The following ZFPM2 variants were observed in gnomAD, a reference collection of about 807,000 sequenced individuals.
The protein encoded by ZFPM2 is zinc finger protein ZFPM2.
A neutral mutation model predicts 98.6 loss-of-function variants in ZFPM2; 20 were observed. That is an observed-to-expected ratio of 0.20 (90% CI 0.14 to 0.29). The LOEUF (loss-of-function observed/expected upper bound fraction) is 0.29, where lower values mean the gene tolerates loss of function less well. ZFPM2 is among the 10% of genes least tolerant of loss of function. The pLI is 1.00. For synonymous variants in ZFPM2, 518 were observed against 502.7 expected (o/e 1.03, Z -0.41); for missense variants, 1,310 against 1,388.6 (o/e 0.94, Z 0.90).
chr8:105,482,871 A>ATCTT (rs1402079236), intron 3 of ZFPM2, among the ~76,000 whole-genome samples: 1 of 151,140 alleles, frequency 6.6e-6, no homozygotes, highest in African/African-American at 2.4e-5. Flanking sequence ...CATTTCTTTA[A>ATCTT]TCTTTCTTTC....
intron 1 of ZFPM2, among the ~76,000 whole-genome samples, chr8:105,342,371 C>T (rs1481245765): frequency 2.6e-5 from 4 of 152,010 alleles, no homozygotes; most frequent in African/African-American, 4.8e-5. Flanking sequence ...TTAGTTAGCA[C>T]AGTTGCTCTA....
chr8:105,571,373 A>G (rs981428997), intron 4 of ZFPM2, among the ~76,000 whole-genome samples: 3 of 152,216 alleles, frequency 2.0e-5, no homozygotes, highest in Admixed American at 2.0e-4. Flanking sequence ...TGGTTTGTAA[A>G]GCATAACTAT....
intron 4 of ZFPM2, among the ~76,000 whole-genome samples, chr8:105,599,708 G>T (rs761944973): frequency 6.6e-6 from 1 of 152,102 alleles, no homozygotes; most frequent in Non-Finnish European, 1.5e-5. Flanking sequence ...TCTCAAGTCA[G>T]CCAGGGCTGC....
At chr8:105,740,461 G>A (rs1442308458) in intron 5 of ZFPM2, among the ~76,000 whole-genome samples, 1 of 149,300 alleles carries the variant, frequency 6.7e-6, no homozygotes, top group African/African-American at 2.5e-5. Context: ...ACTAATTATA[G>A]CTGTGCAATT....
intron 4 of ZFPM2, among the ~76,000 whole-genome samples, chr8:105,565,848 T>G (rs961252701): frequency 2.0e-4 from 31 of 152,180 alleles, no homozygotes; most frequent in African/African-American, 7.5e-4. Context: ...CCAAGGGCTC[T>G]GTCTTAGGAT....
At chr8:105,742,931 C>A (rs1812254110) in intron 5 of ZFPM2, among the ~76,000 whole-genome samples, 1 of 152,032 alleles carries the variant, frequency 6.6e-6, no homozygotes, top group Non-Finnish European at 1.5e-5. Flanking sequence ...ATTTTGAAAT[C>A]ACCAAGAATT....
intron 3 of ZFPM2, among the ~76,000 whole-genome samples, chr8:105,536,032 A>C (rs1259822042): frequency 2.0e-5 from 3 of 152,194 alleles, no homozygotes; most frequent in African/African-American, 7.2e-5. Context: ...AGGGTTATAG[A>C]ATATTTCAAA....
intron 5 of ZFPM2, among the ~76,000 whole-genome samples, chr8:105,685,236 A>T (rs919335543): frequency 6.6e-6 from 1 of 152,090 alleles, no homozygotes; most frequent in Non-Finnish European, 1.5e-5. Flanking sequence ...TTAAGGACTG[A>T]ATTTTCAATT....
chr8:105,762,744 A>G (rs2131075104), intron 5 of ZFPM2, among the ~76,000 whole-genome samples: 1 of 152,038 alleles, frequency 6.6e-6, no homozygotes, highest in Non-Finnish European at 1.5e-5. Context: ...TTGCTTTACA[A>G]TTTTATAATT....
chr8:105,538,140 G>A (rs927163015), intron 3 of ZFPM2, among the ~76,000 whole-genome samples: 1 of 152,140 alleles, frequency 6.6e-6, no homozygotes, highest in Admixed American at 6.6e-5. Context: ...CAGTAAGAAA[G>A]AGTGTCGTTT....
At chr8:105,792,286 T>G (rs1409740900) in intron 6 of ZFPM2, among the ~76,000 whole-genome samples, 2 of 152,238 alleles carry the variant, frequency 1.3e-5, no homozygotes, top group Non-Finnish European at 2.9e-5. Flanking sequence ...TCAGGTATGC[T>G]GTGTCTTTGT....
intron 1 of ZFPM2, among the ~76,000 whole-genome samples, chr8:105,406,746 C>A (rs552187947): frequency 6.6e-6 from 1 of 152,074 alleles, no homozygotes; most frequent in South Asian, 2.1e-4. Flanking sequence ...TGAAAGGCTA[C>A]ATTTTAATCA....
intron 3 of ZFPM2, among the ~76,000 whole-genome samples, chr8:105,492,860 T>C (rs1236865458): frequency 1.3e-5 from 2 of 152,244 alleles, no homozygotes; most frequent in African/African-American, 2.4e-5. Flanking sequence ...ACCTACATTT[T>C]TGATACTGTA....
intron 5 of ZFPM2, among the ~76,000 whole-genome samples, chr8:105,690,076 C>T (rs572053973): frequency 6.6e-6 from 1 of 152,294 alleles, no homozygotes; most frequent in East Asian, 1.9e-4. Context: ...TCCTAAGGAA[C>T]TTGCATAGCC....
intron 1 of ZFPM2, among the ~76,000 whole-genome samples, chr8:105,413,485 TATA>T (rs1297251103): frequency 1.4e-5 from 1 of 70,496 alleles, no homozygotes; most frequent in African/African-American, 4.6e-5. Flanking sequence ...TCAAACATTA[TATA>T]TATATATATA....
At chr8:105,635,046 G>A (rs904042590) in intron 5 of ZFPM2, among the ~76,000 whole-genome samples, 10 of 152,150 alleles carry the variant, frequency 6.6e-5, no homozygotes, top group Non-Finnish European at 1.3e-4. Flanking sequence ...CCTCACGTGT[G>A]GTGTAGTTTT....
intron 3 of ZFPM2, among the ~76,000 whole-genome samples, chr8:105,544,543 A>G (rs1368690250): frequency 6.6e-6 from 1 of 152,188 alleles, no homozygotes; most frequent in African/African-American, 2.4e-5. Flanking sequence ...CACCTTGATA[A>G]TAATTTCATG....
At chr8:105,420,527 A>G (rs914494101) in intron 2 of ZFPM2, among the ~76,000 whole-genome samples, 4 of 152,158 alleles carry the variant, frequency 2.6e-5, no homozygotes, top group Middle Eastern at 3.2e-3. Context: ...AGACCTCAAG[A>G]TAACTTGTAG....
chr8:105,610,940 G>T (rs1276878723), intron 4 of ZFPM2, among the ~76,000 whole-genome samples: 1 of 152,160 alleles, frequency 6.6e-6, no homozygotes, highest in South Asian at 2.1e-4. Context: ...AGCTACCAGA[G>T]TTCAGCAGTT....
Sources: allele counts gnomAD v4.1 joint callset (sites outside exome capture counted in the v4.1 genomes callset), GRCh38; gene constraint gnomAD v4.1.1; transcripts MANE v1.5; gene names NCBI Gene and HGNC (gene_info 2026-07-23, HGNC 2026-07-21).